Variants in NRG1 observed in about 807,000 individuals in gnomAD.
NRG1 encodes the protein neuregulin 1, also known as pro-neuregulin-1, membrane-bound isoform.
NRG1 carries 18 observed loss-of-function variants against 63.8 expected under a neutral mutation model. The observed-to-expected ratio is 0.28, with a 90% CI of 0.19 to 0.42. NRG1 has a LOEUF of 0.42. Among genes scored for constraint, NRG1 ranks in the 10% least tolerant of loss-of-function variants. The probability of loss-of-function intolerance (pLI) is 1.00; values close to 1 mark genes in which losing one functional copy is unlikely to be tolerated. For synonymous variants in NRG1, 302 were observed against 301.3 expected (o/e 1.00, Z -0.02); for missense variants, 762 against 814.7 (o/e 0.94, Z 0.79).
intron 1 of NRG1, among the ~76,000 whole-genome samples, chr8:31,730,879 T>G (rs1813968197): frequency 6.6e-6 from 1 of 152,120 alleles, no homozygotes. Context: ...ACATACAACA[T>G]GAAGAAGCTT....
At position 32,521,016 on chromosome 8, in the gene NRG1, ATGT is replaced by A. The variant is rs1248744572; in HGVS notation, c.38-74810_38-74808del. ...AAAGTACAAGAGTAGTGACATCAAC[ATGT>A]TATTATTATTATTGTTCTTTTTTAT... is the stretch of plus-strand genomic sequence containing the variant. On this transcript the variant is annotated intron_variant, in intron 1 of 10. Transcript: ENST00000519301. Among the ~76,000 whole-genome samples, 15 of 152,296 alleles carry A rather than the reference ATGT, an allele frequency of 9.8e-5. No individual in the cohort carries two copies. In the East Asian group the frequency reaches 2.9e-3, roughly 29 times the overall value.
intron 1 of NRG1, among the ~76,000 whole-genome samples, chr8:32,050,955 C>T (rs938219793): frequency 6.6e-6 from 1 of 151,936 alleles, no homozygotes; most frequent in Non-Finnish European, 1.5e-5. Context: ...GAAAATATTA[C>T]AGATCAGAAA....
intron 1 of NRG1, among the ~76,000 whole-genome samples, chr8:32,076,126 C>G (rs1006281556): frequency 6.6e-6 from 1 of 152,152 alleles, no homozygotes; most frequent in Non-Finnish European, 1.5e-5. Flanking sequence ...GCCTTAGGTA[C>G]TTCTTTACAG....
chr8:32,581,095 A>C (rs1305922131), intron 1 of NRG1, among the ~76,000 whole-genome samples: 1 of 152,224 alleles, frequency 6.6e-6, no homozygotes, highest in Non-Finnish European at 1.5e-5. Context: ...CCCTAACCAG[A>C]ATGTCAACTC....
intron 1 of NRG1, among the ~76,000 whole-genome samples, chr8:31,702,682 G>A (rs957251421): frequency 1.3e-5 from 2 of 151,932 alleles, no homozygotes; most frequent in Non-Finnish European, 2.9e-5. Context: ...AATTGGAATT[G>A]GATTTTCTCA....
chr8:32,592,339 A>G (rs147916849), intron 1 of NRG1, among the ~76,000 whole-genome samples: 288 of 152,240 alleles, frequency 1.9e-3, no homozygotes, highest in African/African-American at 6.6e-3. Flanking sequence ...AGTCCCAATA[A>G]TATCCTATAC....
chr8:32,680,906 A>G (rs1301426820), intron 5 of NRG1, among the ~76,000 whole-genome samples: 1 of 152,154 alleles, frequency 6.6e-6, no homozygotes, highest in Admixed American at 6.6e-5. Flanking sequence ...AAGTAATACA[A>G]TAAAATACAT....
intron 1 of NRG1, among the ~76,000 whole-genome samples, chr8:32,037,913 G>A (rs1236184418): frequency 6.6e-6 from 1 of 152,216 alleles, no homozygotes; most frequent in Non-Finnish European, 1.5e-5. Flanking sequence ...TCAGTTTGTA[G>A]GGTTCCAAGG....
intron 1 of NRG1, among the ~76,000 whole-genome samples, chr8:32,561,305 T>G (rs1037667311): frequency 3.9e-5 from 6 of 152,356 alleles, no homozygotes; most frequent in African/African-American, 1.4e-4. Flanking sequence ...AGAGTACCTA[T>G]GATTCATAGG....
At chr8:32,525,055 C>T (rs1830691226) in intron 1 of NRG1, among the ~76,000 whole-genome samples, 2 of 152,160 alleles carry the variant, frequency 1.3e-5, no homozygotes, top group Non-Finnish European at 2.9e-5. Context: ...AAACCTTGAG[C>T]AAAGAAATAC....
intron 1 of NRG1, among the ~76,000 whole-genome samples, chr8:32,193,737 G>A (rs1336222824): frequency 1.3e-5 from 2 of 152,098 alleles, no homozygotes; most frequent in African/African-American, 4.8e-5. Context: ...TCTTGACAAA[G>A]GTAATTAAGT....
At chr8:32,445,320 T>G (rs1254133026) in intron 1 of NRG1, among the ~76,000 whole-genome samples, 1 of 152,202 alleles carries the variant, frequency 6.6e-6, no homozygotes, top group Non-Finnish European at 1.5e-5. Flanking sequence ...CCGAATACCT[T>G]TTTATCCATG....
intron 1 of NRG1, among the ~76,000 whole-genome samples, chr8:32,161,299 G>A (rs1838798279): frequency 6.6e-6 from 1 of 152,098 alleles, no homozygotes; most frequent in South Asian, 2.1e-4. Context: ...GAAAGCCTTT[G>A]GCAGAGAGAG....
At chr8:32,455,446 T>C (rs10100933) in intron 1 of NRG1, among the ~76,000 whole-genome samples, 47,173 of 152,026 alleles carry the variant, frequency 0.31, 7,565 homozygotes, top group South Asian at 0.35. Flanking sequence ...TCCCTGATGA[T>C]CCCTTGATTT....
chr8:32,520,791 G>T (rs1484243929), intron 1 of NRG1, among the ~76,000 whole-genome samples: 2 of 152,150 alleles, frequency 1.3e-5, no homozygotes, highest in Non-Finnish European at 2.9e-5. Context: ...GTTTTAACTT[G>T]TGCACTATTC....
intron 5 of NRG1, among the ~76,000 whole-genome samples, chr8:32,635,257 A>C (rs1297779473): frequency 1.3e-5 from 2 of 152,218 alleles, no homozygotes; most frequent in African/African-American, 4.8e-5. Context: ...GTCATTTAGT[A>C]AACATCTTTT....
intron 5 of NRG1, among the ~76,000 whole-genome samples, chr8:32,709,716 T>G (rs1817341481): frequency 6.6e-6 from 1 of 152,170 alleles, no homozygotes; most frequent in African/African-American, 2.4e-5. Flanking sequence ...CCAATGAGCC[T>G]GGCATATTTT....
chr8:32,143,699 C>T (rs1836545546), intron 1 of NRG1, among the ~76,000 whole-genome samples: 1 of 152,250 alleles, frequency 6.6e-6, no homozygotes, highest in Non-Finnish European at 1.5e-5. Flanking sequence ...CTAAAGTTTA[C>T]ACTCCACAAG....
chr8:31,938,914 A>G (rs984711024), intron 1 of NRG1, among the ~76,000 whole-genome samples: 24 of 152,208 alleles, frequency 1.6e-4, no homozygotes, highest in African/African-American at 4.8e-4. Flanking sequence ...GTTTGGGACT[A>G]TGTTAAATGT....
Sources: gnomAD v4.1 joint callset for allele counts (sites outside exome capture counted in the v4.1 genomes callset) on GRCh38, gnomAD v4.1.1 for gene constraint, MANE v1.5 for transcripts, NCBI Gene and HGNC (gene_info 2026-07-23, HGNC 2026-07-21) for gene names.